Variants in LNP1 observed in about 807,000 individuals in gnomAD.
LNP1 encodes leukemia NUP98 fusion partner 1.
Under a neutral mutation model 14.5 loss-of-function variants are expected in LNP1, and 12 were observed. The observed-to-expected ratio is 0.83, with a 90% CI of 0.53 to 1.34. LNP1 has a LOEUF of 1.34. LNP1 is among the 40% of genes most tolerant of loss of function. The pLI, the probability that LNP1 is intolerant of heterozygous loss-of-function variation, is 0.00. For missense variants in LNP1, 198 were observed against 210.9 expected (o/e 0.94, Z 0.38); for synonymous variants, 75 against 71.4 (o/e 1.05, Z -0.26).
chr3:100,429,692 T>G lies in LNP1; in HGVS notation c.-33-5T>G, dbSNP rs748597828. ...TTGGGTGATATTTCCCTCTGTCGCA[T>G]TTAGGGACAGGCCTTCAGTATTTGG... On this transcript the variant is annotated splice_region_variant and splice_polypyrimidine_tract_variant and intron_variant, in intron 1 of 3. Coordinates refer to ENST00000383693, the MANE Select transcript of LNP1 (RefSeq NM_001085451.2). 1 of 1,590,628 alleles carries G rather than the reference T, an allele frequency of 6.3e-7. No homozygotes were observed. The highest frequency in any genetic ancestry group is 8.6e-7 in the Non-Finnish European group (1 of 1,163,516).
At chr3:100,421,486 G>T (rs780685901) in intron 1 of LNP1, among the ~76,000 whole-genome samples, 2 of 152,118 alleles carry the variant, frequency 1.3e-5, no homozygotes, top group Non-Finnish European at 2.9e-5. Context: ...ACCCTGTATT[G>T]TATTTTATTT....
At position 100,426,610 on chromosome 3, in the gene LNP1, T is replaced by C. The variant is rs1707195378; in HGVS notation, c.-33-3087T>C. On this transcript the variant is annotated intron_variant, in intron 1 of 3. Transcript: ENST00000383693. ...GACACCTGATTATATAAGAACTTATTAGCAAACTAAAAACTGCTTTTTAAA... is the reference window on the plus strand; with the variant it reads ...GACACCTGATTATATAAGAACTTATCAGCAAACTAAAAACTGCTTTTTAAA... Among the ~76,000 whole-genome samples the C allele has an allele frequency of 2.0e-5, 3 of 152,224 alleles. No individual in the cohort carries two copies. In the South Asian group the frequency reaches 6.2e-4, roughly 32 times the overall value.
At chr3:100,420,300 GCCTTCCTTCCTT>G (rs554541539) in intron 1 of LNP1, among the ~76,000 whole-genome samples, 1 of 151,822 alleles carries the variant, frequency 6.6e-6, no homozygotes, top group Admixed American at 6.6e-5. Flanking sequence ...TTGCCTGCCT[GCCTTCCTTCCTT>G]CCTTCCTTCC....
At chr3:100,409,113 A>C (rs1706999895) in intron 1 of LNP1, among the ~76,000 whole-genome samples, 1 of 152,134 alleles carries the variant, frequency 6.6e-6, no homozygotes, top group African/African-American at 2.4e-5. Context: ...GTTGGCCCTC[A>C]TTCAATCAGA....
chr3:100,402,928 TA>T (rs986924681), intron 1 of LNP1, among the ~76,000 whole-genome samples: 1 of 152,250 alleles, frequency 6.6e-6, no homozygotes, highest in African/African-American at 2.4e-5. Context: ...AATATTTATC[TA>T]AAGGCCTGAT....
chr3:100,426,602 G>A (rs1352348624), intron 1 of LNP1, among the ~76,000 whole-genome samples: 10 of 152,196 alleles, frequency 6.6e-5, no homozygotes. Flanking sequence ...GATTATATAA[G>A]AACTTATTAG....
At position 100,452,303 on chromosome 3, in the gene LNP1, C is replaced by T. The variant is rs1707468295; in HGVS notation, c.387+354C>T. Among the ~76,000 whole-genome samples, 3 of 150,858 alleles carry T rather than the reference C, an allele frequency of 2.0e-5. No homozygotes were observed. In the East Asian group the frequency reaches 5.9e-4, roughly 30 times the overall value. ...CTGCAGCCTCGAACTCCTGGTCTCACGTGTTCCTCCCACCTCAGCCTCTTG... is the reference window on the plus strand; with the variant it reads ...CTGCAGCCTCGAACTCCTGGTCTCATGTGTTCCTCCCACCTCAGCCTCTTG... On this transcript the variant is annotated intron_variant, in intron 3 of 3. Coordinates refer to ENST00000383693, the MANE Select transcript of LNP1 (RefSeq NM_001085451.2).
At chr3:100,407,152 A>G (rs1706977812) in intron 1 of LNP1, among the ~76,000 whole-genome samples, 1 of 152,240 alleles carries the variant, frequency 6.6e-6, no homozygotes, top group African/African-American at 2.4e-5. Flanking sequence ...AGTATTATAA[A>G]TTAAATTTAG....
intron 1 of LNP1, among the ~76,000 whole-genome samples, chr3:100,425,037 C>T (rs993359438): frequency 9.2e-5 from 14 of 152,176 alleles, no homozygotes; most frequent in African/African-American, 3.1e-4. Flanking sequence ...AATTCGAGCA[C>T]AGCACATCTC....
intron 2 of LNP1, among the ~76,000 whole-genome samples, chr3:100,450,859 T>C (rs1707430820): frequency 6.6e-6 from 1 of 152,070 alleles, no homozygotes; most frequent in Non-Finnish European, 1.5e-5. Flanking sequence ...TTGCCTTCCT[T>C]GTTGGAAGCA....
chr3:100,409,220 C>T (rs1181592559), intron 1 of LNP1, among the ~76,000 whole-genome samples: 1 of 152,114 alleles, frequency 6.6e-6, no homozygotes, highest in Non-Finnish European at 1.5e-5. Context: ...CTTTTCTTGC[C>T]TTTGGACTTG....
In LNP1 at chr3:100,456,136, A is replaced by C. The variant is rs1707508841; in HGVS notation, c.*210A>C. The C allele has an allele frequency of 2.0e-6, 1 of 492,848 alleles. No individual in the cohort carries two copies. The highest frequency in any genetic ancestry group is 3.4e-5 in the East Asian group (1 of 29,354). 30.5% of individuals were successfully genotyped at this position (492,848 alleles called of 1,614,324 possible). A position where few individuals can be genotyped will look rare whatever the true frequency, so the allele number is the denominator to read the frequency against. ...ATACCCCAATTACTGCTGGCATCTT[A>C]GTTGAGAGTATAATCTGCTTGGTTG... On this transcript the variant is annotated 3_prime_UTR_variant, in exon 4 of 4. Coordinates refer to ENST00000383693, the MANE Select transcript of LNP1 (RefSeq NM_001085451.2).
chr3:100,449,209 T>C (rs1432685140), intron 2 of LNP1, among the ~76,000 whole-genome samples: 1 of 152,194 alleles, frequency 6.6e-6, no homozygotes, highest in Non-Finnish European at 1.5e-5. Flanking sequence ...AGAATTACCC[T>C]GAGGCTAGCC....
chr3:100,413,403 T>A (rs1707049172), intron 1 of LNP1, among the ~76,000 whole-genome samples: 1 of 152,226 alleles, frequency 6.6e-6, no homozygotes, highest in Non-Finnish European at 1.5e-5. Context: ...CTTTTTGCTG[T>A]CAGAAGGAGC....
rs192317171 is a variant in LNP1, at chr3:100,424,515, G to A, written c.-33-5182G>A. ...TGCAAGGCAAGTGTTTATTATGGAG[G>A]CTCAATAGAGACTCAGTACCCCAGA... On this transcript the variant is annotated intron_variant, in intron 1 of 3. Coordinates refer to ENST00000383693, the MANE Select transcript of LNP1 (RefSeq NM_001085451.2). Among the ~76,000 whole-genome samples, 852 of 152,266 alleles carry A rather than the reference G, an allele frequency of 5.6e-3. 2 individuals carry two copies. The highest frequency in any genetic ancestry group is 9.6e-3 in the Non-Finnish European group (650 of 68,024).
At chr3:100,405,645 T>C (rs1265080936) in intron 1 of LNP1, among the ~76,000 whole-genome samples, 1 of 152,172 alleles carries the variant, frequency 6.6e-6, no homozygotes, top group Non-Finnish European at 1.5e-5. Flanking sequence ...TTTTAAGGGC[T>C]CCATCCTCAT....
intron 2 of LNP1, among the ~76,000 whole-genome samples, chr3:100,432,474 T>C (rs1005880104): frequency 1.3e-5 from 2 of 152,152 alleles, no homozygotes; most frequent in Admixed American, 6.5e-5. Context: ...TGTGGGACTG[T>C]CAGTCTAGTA....
rs568432110 is a variant in LNP1, at chr3:100,452,203, T to TC, written c.387+254_387+255insC. On this transcript the variant is annotated intron_variant, in intron 3 of 3. Coordinates refer to ENST00000383693, the MANE Select transcript of LNP1 (RefSeq NM_001085451.2). ...ACCAAAGTCTTCTAGTTTTTCTTTCTTTTTTTTTTTTTTTTTTGAGATAGG... is the reference window on the plus strand; with the variant it reads ...ACCAAAGTCTTCTAGTTTTTCTTTCTCTTTTTTTTTTTTTTTTTGAGATAGG... Among the ~76,000 whole-genome samples, 96 of 97,676 alleles carry TC rather than the reference T, an allele frequency of 9.8e-4. 1 individual carries two copies. The highest frequency in any genetic ancestry group is 5.6e-3 in the African/African-American group (91 of 16,300). 64.1% of individuals were successfully genotyped at this position (97,676 alleles called of 152,430 possible). A position where few individuals can be genotyped will look rare whatever the true frequency, so the allele number is the denominator to read the frequency against.
intron 2 of LNP1, among the ~76,000 whole-genome samples, chr3:100,438,032 T>C (rs1707307581): frequency 6.6e-6 from 1 of 152,178 alleles, no homozygotes; most frequent in Admixed American, 6.5e-5. Flanking sequence ...TGAAGTTAGC[T>C]ATCAAGGACC....
Sources: gnomAD v4.1 joint callset for allele counts (sites outside exome capture counted in the v4.1 genomes callset) on GRCh38, gnomAD v4.1.1 for gene constraint, MANE v1.5 for transcripts, NCBI Gene and HGNC (gene_info 2026-07-23, HGNC 2026-07-21) for gene names.